Variants in CCSER1 observed in about 807,000 individuals in gnomAD.
CCSER1 encodes serine-rich coiled-coil domain-containing protein 1.
Under a neutral mutation model 82.0 loss-of-function variants are expected in CCSER1, and 41 were observed. The ratio of observed to expected loss-of-function variants is 0.50; its 90% confidence interval spans 0.39 to 0.65. CCSER1 has a LOEUF of 0.65. Among genes scored for constraint, CCSER1 ranks in the 30% least tolerant of loss-of-function variants. The pLI is 0.00. For missense variants in CCSER1, 1,119 were observed against 1,064.2 expected, an observed-to-expected ratio of 1.05 and a Z score of -0.72; for synonymous variants, 414 against 383.9, an observed-to-expected ratio of 1.08 and a Z score of -0.92.
At chr4:90,443,852 C>A (rs1403536187) in intron 4 of CCSER1, among the ~76,000 whole-genome samples, 1 of 151,796 alleles carries the variant, frequency 6.6e-6, no homozygotes, top group Non-Finnish European at 1.5e-5. Flanking sequence ...GTTATTGGTA[C>A]TTTATAATGA....
chr4:90,408,159 A>C (rs1578320895), intron 4 of CCSER1, among the ~76,000 whole-genome samples: 1 of 152,196 alleles, frequency 6.6e-6, no homozygotes, highest in Admixed American at 6.5e-5. Flanking sequence ...GGTAGAGTCC[A>C]CCCAGCTCAA....
chr4:90,895,587 A>T (rs1168440147), intron 8 of CCSER1, among the ~76,000 whole-genome samples: 1 of 151,992 alleles, frequency 6.6e-6, no homozygotes, highest in African/African-American at 2.4e-5. Flanking sequence ...ATTCACAATG[A>T]AGTAAAATGT....
chr4:90,191,513 G>C (rs763286339), intron 1 of CCSER1, among the ~76,000 whole-genome samples: 19 of 151,958 alleles, frequency 1.3e-4, no homozygotes, highest in Non-Finnish European at 2.2e-4. Context: ...CACTATACCA[G>C]TAGTGTGGGT....
chr4:90,384,384 C>T (rs1749696296), intron 3 of CCSER1, among the ~76,000 whole-genome samples: 2 of 148,452 alleles, frequency 1.3e-5, no homozygotes, highest in Admixed American at 1.4e-4. Flanking sequence ...CACATGTTCT[C>T]ACTCAAAGGT....
chr4:91,496,585 T>TATATAC (rs1346797658), intron 10 of CCSER1, among the ~76,000 whole-genome samples: 2 of 38,552 alleles, frequency 5.2e-5, no homozygotes, highest in Non-Finnish European at 1.2e-4. Context: ...TATATATATA[T>TATATAC]ACACGAATAT....
intron 10 of CCSER1, among the ~76,000 whole-genome samples, chr4:91,227,159 T>C (rs141945724): frequency 6.6e-6 from 1 of 152,046 alleles, no homozygotes; most frequent in East Asian, 1.9e-4. Flanking sequence ...CTTCCTACAA[T>C]TTAATTTTAG....
intron 7 of CCSER1, among the ~76,000 whole-genome samples, chr4:90,776,932 A>G (rs975308085): frequency 1.1e-4 from 16 of 152,136 alleles, no homozygotes; most frequent in Admixed American, 1.0e-3. Context: ...ATTCTCAACC[A>G]TAAGCTTATA....
chr4:90,806,709 G>C (rs7666611), intron 7 of CCSER1, among the ~76,000 whole-genome samples: 51,674 of 151,892 alleles, frequency 0.34, 8,998 homozygotes, highest in East Asian at 0.42. Flanking sequence ...CAACCAATGA[G>C]TGAACAAGGG....
At chr4:91,359,331 C>T (rs888331388) in intron 10 of CCSER1, among the ~76,000 whole-genome samples, 12 of 151,700 alleles carry the variant, frequency 7.9e-5, no homozygotes, top group South Asian at 2.1e-4. Context: ...TCAGGCCTGG[C>T]GCCAGGCTGC....
intron 5 of CCSER1, among the ~76,000 whole-genome samples, chr4:90,596,814 T>G (rs1783401142): frequency 6.6e-6 from 1 of 151,880 alleles, no homozygotes; most frequent in Admixed American, 6.6e-5. Flanking sequence ...AAATAACAAT[T>G]TCAGAAAAGA....
intron 9 of CCSER1, among the ~76,000 whole-genome samples, chr4:90,933,211 G>A (rs1730457745): frequency 1.5e-5 from 2 of 134,712 alleles, no homozygotes; most frequent in South Asian, 5.2e-4. Context: ...TTTTTGAGAC[G>A]GAGTCTCGCT....
At chr4:90,179,441 G>A (rs1733320533) in intron 1 of CCSER1, among the ~76,000 whole-genome samples, 1 of 152,094 alleles carries the variant, frequency 6.6e-6, no homozygotes, top group Non-Finnish European at 1.5e-5. Flanking sequence ...AGCCTAGGCT[G>A]GAGTGCAGTG....
intron 10 of CCSER1, among the ~76,000 whole-genome samples, chr4:91,388,003 CAATT>C (rs761592990): frequency 6.6e-6 from 1 of 151,912 alleles, no homozygotes; most frequent in Non-Finnish European, 1.5e-5. Context: ...TTTATTGTAA[CAATT>C]AGTTCACCCT....
rs532710104 is a variant in CCSER1 at position 91,321,605 on chromosome 4, ACT to A, written c.2217+235616_2217+235617del. ...TTCATGAAATACTATCTTTTTAAAA[ACT>A]CTCTTTTTATTAGGAAATAGATTTA... is the stretch of plus-strand genomic sequence containing the variant. On this transcript the variant is annotated intron_variant, in intron 10 of 10. Coordinates refer to ENST00000509176, the MANE Select transcript of CCSER1 (RefSeq NM_001145065.2). 4.1e-3 allele frequency among the ~76,000 whole-genome samples: 614 copies of A among 150,674 alleles called. 3 individuals carry two copies. The highest frequency in any genetic ancestry group is 0.015 in the African/African-American group (597 of 41,130).
intron 10 of CCSER1, among the ~76,000 whole-genome samples, chr4:91,587,016 T>C (rs987276614): frequency 3.3e-5 from 5 of 151,690 alleles, no homozygotes; most frequent in Admixed American, 2.6e-4. Context: ...TTAATAAACT[T>C]AGCATGGGAG....
chr4:90,234,574 C>T (rs969272630), intron 1 of CCSER1, among the ~76,000 whole-genome samples: 3 of 152,058 alleles, frequency 2.0e-5, no homozygotes, highest in African/African-American at 7.2e-5. Flanking sequence ...TTCTGTGAGA[C>T]CTGGTGGGAA....
chr4:90,777,239 C>G (rs563386253), intron 7 of CCSER1, among the ~76,000 whole-genome samples: 16 of 151,350 alleles, frequency 1.1e-4, no homozygotes, highest in Admixed American at 2.0e-4. Context: ...CGCCTGTAAT[C>G]CCAGCTACTT....
chr4:90,619,399 T>G (rs961389798), intron 5 of CCSER1, among the ~76,000 whole-genome samples: 1 of 152,028 alleles, frequency 6.6e-6, no homozygotes, highest in African/African-American at 2.4e-5. Flanking sequence ...TGATTTATGT[T>G]GTTTATATGA....
At chr4:90,872,061 G>C (rs1409614994) in intron 8 of CCSER1, among the ~76,000 whole-genome samples, 1 of 151,406 alleles carries the variant, frequency 6.6e-6, no homozygotes, top group Non-Finnish European at 1.5e-5. Flanking sequence ...GTGTGTTTAT[G>C]GGTGAAGTTT....
Sources: allele counts gnomAD v4.1 joint callset (sites outside exome capture counted in the v4.1 genomes callset), GRCh38; gene constraint gnomAD v4.1.1; transcripts MANE v1.5; gene names NCBI Gene and HGNC (gene_info 2026-07-23, HGNC 2026-07-21).